PIGG: variants seen among roughly 807,000 people sequenced by gnomAD.
PIGG encodes GPI ethanolamine phosphate transferase 2, catalytic subunit.
Under a neutral mutation model 83.2 loss-of-function variants are expected in PIGG, and 70 were observed. The observed-to-expected ratio is 0.84, with a 90% confidence interval of 0.69 to 1.03. The LOEUF (loss-of-function observed/expected upper bound fraction) is 1.03. Ranked by LOEUF, PIGG falls within the 50% of genes least tolerant of loss-of-function variation. The probability of loss-of-function intolerance (pLI) is 0.00; values close to 1 mark genes in which losing one functional copy is unlikely to be tolerated. For missense variants in PIGG, 1,257 were observed against 1,233.6 expected, an observed-to-expected ratio of 1.02 and a Z score of -0.28; for synonymous variants, 532 against 519.5, an observed-to-expected ratio of 1.02 and a Z score of -0.33.
At chr4:529,593 A>G (rs1410273358) in intron 10 of PIGG, among the ~76,000 whole-genome samples, 1 of 152,226 alleles carries the variant, frequency 6.6e-6, no homozygotes, top group East Asian at 1.9e-4. Flanking sequence ...TACAAAATTT[A>G]TTTAAAATAT....
rs891911632 is a variant in PIGG at position 527,177 on chromosome 4, G to A, written c.2208G>A (p.Ala736=). The change falls in exon 10 of 13, where the codon GCG becomes GCA. Residue 736 remains alanine (A), a synonymous_variant. Transcript: ENST00000453061. ...LGLLGVYCYR[A]AIGSVRFPWR... is the part of the protein sequence containing the mutation. ...TGCTGGGCGTCTACTGCTACCGGGC[G>A]GCCATCGGGAGTGTCCGGTTCCCGT... 7.4e-6 allele frequency: 12 copies of A among 1,613,076 alleles called. No individual in the cohort carries two copies. The highest frequency in any genetic ancestry group is 1.7e-4 in the Middle Eastern group (1 of 5,912).
In PIGG at chr4:520,905, C is replaced by G. The variant is rs76270255; in HGVS notation, c.1115-151C>G. The stretch of plus-strand genomic sequence containing the variant: ...ACAGAAGGCGTTGCAGACCCCCCAC[C>G]CAAAGGAATGATTGATCTTCATTAA... On this transcript the variant is annotated intron_variant, in intron 6 of 12. Transcript: ENST00000453061. The G allele has an allele frequency of 4.2e-3, 2,673 of 633,002 alleles. 52 individuals are homozygous for G. In the African/African-American group the frequency reaches 0.043, roughly 10 times the overall value. The allele number at this position is 633,002 out of a possible 1,614,324, so 39.2% of individuals were successfully genotyped here.
intron 5 of PIGG, 97 bp downstream of exon 5, chr4:509,067 A>G (rs577765645): frequency 9.0e-5 from 89 of 993,604 alleles, no homozygotes; most frequent in Non-Finnish European, 1.3e-4. Context: ...GAAGCTCCAT[A>G]AGGTTGAAGT....
intron 2 of PIGG, chr4:502,138 G>A (rs564434022): frequency 6.6e-6 from 1 of 152,352 alleles, no homozygotes; most frequent in South Asian, 2.1e-4. Flanking sequence ...GCAGATTTGA[G>A]AAAATGTATA....
Position 539,577 on chromosome 4 carries a change from T to C in PIGG, c.*208T>C. On this transcript the variant is annotated 3_prime_UTR_variant, in exon 13 of 13. Transcript: ENST00000453061. ...CATTGACAATCACTCTAGAAGCTTC[T>C]GAACTTTTAATTTCCTCTGAATAAG... The C allele has an allele frequency of 1.8e-6, 1 of 544,590 alleles. No individual in the cohort carries two copies. The highest frequency in any genetic ancestry group is 3.4e-5 in the Admixed American group (1 of 29,458). The allele number at this position is 544,590 out of a possible 1,614,324, so 33.7% of individuals were successfully genotyped here. A position where few individuals can be genotyped will look rare whatever the true frequency, so the allele number is the denominator to read the frequency against.
chr4:505,972 C>A, intron 3 of PIGG, 45 bp downstream of exon 3: 1 of 1,290,592 alleles, frequency 7.7e-7, no homozygotes, highest in Non-Finnish European at 1.1e-6. Flanking sequence ...GAATATCATA[C>A]TAGATAGAGC....
intron 10 of PIGG, among the ~76,000 whole-genome samples, chr4:530,150 T>C (rs1728665204): frequency 6.6e-6 from 1 of 152,130 alleles, no homozygotes; most frequent in Non-Finnish European, 1.5e-5. Context: ...TGCCACCAGA[T>C]GAGCCAAATG....
chr4:523,860 C>A lies in PIGG; in HGVS notation c.2016C>A (p.Asn672Lys). Residue 672 changes from asparagine (N) to lysine (K), a missense_variant, in exon 9 of 13, where the codon AAC (asparagine) becomes AAA (lysine). Physicochemically the swap from Asn to Lys is moderately conservative, Grantham distance 94. Transcript: ENST00000453061. ...GCTGCCGGCTGCTGCGCTCCCTAAA[C>A]CAGACAGGTGTGCAGTGGGCTCACC... is the stretch of plus-strand genomic sequence containing the variant. Reference protein sequence around the residue: ...LACCRLLRSLNQTGVQWAHRP... With the variant: ...LACCRLLRSLKQTGVQWAHRP... The A allele has an allele frequency of 6.3e-7, 1 of 1,585,754 alleles. No homozygotes were observed. Among genetic ancestry groups the A allele is most frequent in the Non-Finnish European group, 8.6e-7 (1 of 1,166,148 alleles).
intron 10 of PIGG, 93 bp from the exon 11 acceptor site, chr4:530,343 T>C: frequency 1.1e-6 from 1 of 879,400 alleles, no homozygotes; most frequent in Non-Finnish European, 1.8e-6. Context: ...ATTTACTGGT[T>C]CCCTGGGTAG....
intron 5 of PIGG, among the ~76,000 whole-genome samples, chr4:514,373 A>C (rs1469715205): frequency 1.3e-5 from 2 of 152,220 alleles, no homozygotes; most frequent in African/African-American, 4.8e-5. Flanking sequence ...TGTTTGAATC[A>C]GGCTACAAAT....
rs1418662622 is a variant in PIGG at position 505,641 on chromosome 4, A to G, written c.361-77A>G. ...GAGAGGGACCCTGTCTCAAAAAAAAAAAAAAAAATCTTCAGTGCCCTTTTC... is the reference window on the plus strand; with the variant it reads ...GAGAGGGACCCTGTCTCAAAAAAAAGAAAAAAAATCTTCAGTGCCCTTTTC... On this transcript the variant is annotated intron_variant, in intron 2 of 12. Coordinates refer to ENST00000453061, the MANE Select transcript of PIGG (RefSeq NM_001127178.3). The G allele has an allele frequency of 8.8e-5, 97 of 1,100,594 alleles. No homozygotes were observed. In the East Asian group the frequency reaches 2.2e-3, roughly 25 times the overall value. 68.2% of individuals were successfully genotyped at this position (1,100,594 alleles called of 1,614,324 possible).
intron 10 of PIGG, 130 bp from the exon 11 acceptor site, chr4:530,306 C>T (rs999482256): frequency 1.4e-4 from 90 of 663,856 alleles, no homozygotes; most frequent in Non-Finnish European, 1.9e-4. Context: ...GAGGGTGCCG[C>T]GGCTCCTTTA....
chr4:503,606 C>T (rs1718537317), intron 2 of PIGG, among the ~76,000 whole-genome samples: 1 of 152,166 alleles, frequency 6.6e-6, no homozygotes, highest in Non-Finnish European at 1.5e-5. Flanking sequence ...GCTCAAGTGG[C>T]ACTTCCATAG....
chr4:506,018 T>C, intron 3 of PIGG, 91 bp downstream of exon 3: 2 of 854,824 alleles, frequency 2.3e-6, no homozygotes, highest in Admixed American at 5.1e-5. Context: ...ATGATACCAT[T>C]TTATATTTGG....
At chr4:526,726 T>G (rs1727723084) in intron 9 of PIGG, among the ~76,000 whole-genome samples, 1 of 151,778 alleles carries the variant, frequency 6.6e-6, no homozygotes, top group Admixed American at 6.6e-5. Context: ...TCTTTTTTTT[T>G]TTTTTTTAAT....
At chr4:518,603 AC>A (rs1174344938) in intron 6 of PIGG, among the ~76,000 whole-genome samples, 1 of 152,178 alleles carries the variant, frequency 6.6e-6, no homozygotes, top group Non-Finnish European at 1.5e-5. Flanking sequence ...AAAAAACAAA[AC>A]AAAAAAGATA....
In PIGG at chr4:539,197, G is replaced by C. The variant is rs774627627; in HGVS notation, c.2780G>C (p.Cys927Ser). The C allele has an allele frequency of 6.2e-7, 1 of 1,613,592 alleles. No individual in the cohort carries two copies. The highest frequency in any genetic ancestry group is 8.5e-7 in the Non-Finnish European group (1 of 1,179,544). Residue 927 changes from cysteine to serine, a missense_variant, in exon 13 of 13, where the codon TGT becomes TCT. By Grantham distance (112) the Cys-to-Ser change is moderately radical. Transcript: ENST00000453061. ...GCTTGCTTCTGCTACGCACTGATTT[G>C]TTCTATTCCAGTTTTCACGTACATC... ...SHACFCYALI[C>S]SIPVFTYIVL... is the part of the protein sequence containing the mutation.
chr4:504,276 C>T (rs182369457), intron 2 of PIGG, among the ~76,000 whole-genome samples: 8 of 152,284 alleles, frequency 5.3e-5, no homozygotes, highest in Non-Finnish European at 2.9e-5. Flanking sequence ...TAGTGGTCAG[C>T]CACTGATTGG....
In PIGG at chr4:528,216, A is replaced by G. The variant is rs1040995974; in HGVS notation, c.2261+986A>G. The G allele has an allele frequency of 1.0e-6, 1 of 984,918 alleles. No homozygotes were observed. The allele number at this position is 984,918 out of a possible 1,614,324, so 61.0% of individuals were successfully genotyped here. On this transcript the variant is annotated intron_variant, in intron 10 of 12. Transcript: ENST00000453061. The surrounding 1 kb of genome is among the most constrained non-coding windows in gnomAD (Gnocchi z 4.8). ...GGAACAGGTATGACCCCAGCTTACT[A>G]ATTGTGTACCTGTTTTTTTTTTCAT... is the stretch of plus-strand genomic sequence containing the variant.
Sources: gnomAD v4.1 joint callset for allele counts (sites outside exome capture counted in the v4.1 genomes callset) on GRCh38, gnomAD v4.1.1 for gene constraint, Gnocchi (gnomAD v3.1) non-coding constraint, MANE v1.5 for transcripts, NCBI Gene and HGNC (gene_info 2026-07-23, HGNC 2026-07-21) for gene names.